The following PRKAG2 variants were observed in gnomAD, a reference collection of about 807,000 sequenced individuals.
PRKAG2 encodes protein kinase AMP-activated non-catalytic subunit gamma 2, also known as 5'-AMP-activated protein kinase subunit gamma-2.
Under a neutral mutation model 69.6 loss-of-function variants are expected in PRKAG2, and 26 were observed. The observed-to-expected ratio is 0.37, with a 90% CI of 0.27 to 0.52. PRKAG2 has a LOEUF of 0.52. PRKAG2 is among the 20% of genes least tolerant of loss of function. PRKAG2 has a pLI of 0.90. For missense variants in PRKAG2, 557 were observed against 740.0 expected, an observed-to-expected ratio of 0.75 and a Z score of 2.87; for synonymous variants, 293 against 285.0, an observed-to-expected ratio of 1.03 and a Z score of -0.28.
At chr7:151,743,312 G>C (rs1332341015) in intron 3 of PRKAG2, among the ~76,000 whole-genome samples, 1 of 152,158 alleles carries the variant, frequency 6.6e-6, no homozygotes, top group East Asian at 1.9e-4. Flanking sequence ...CACGGGACCA[G>C]GTAATTCGGG....
rs111465750 is a variant in PRKAG2 at position 151,697,828 on chromosome 7, G to A, written c.467-22191C>T. On this transcript the variant is annotated intron_variant, in intron 3 of 15. Coordinates refer to ENST00000287878, the MANE Select transcript of PRKAG2 (RefSeq NM_016203.4). ...CCTGCCTTCCAACCTCATCCACCCA[G>A]TGGCTCAAGGCTGCCAGGATAAAGA... is the stretch of plus-strand genomic sequence containing the variant. 3.1e-3 allele frequency among the ~76,000 whole-genome samples: 475 copies of A among 152,264 alleles called. 5 individuals are homozygous for A. Among genetic ancestry groups the A allele is most frequent in the African/African-American group, 1.0e-2 (414 of 41,538 alleles).
intron 3 of PRKAG2, among the ~76,000 whole-genome samples, chr7:151,716,999 C>T (rs977723488): frequency 6.6e-6 from 1 of 152,146 alleles, no homozygotes; most frequent in Non-Finnish European, 1.5e-5. Context: ...GTAATCCCAG[C>T]ACTTTGGGAG....
intron 1 of PRKAG2, among the ~76,000 whole-genome samples, chr7:151,851,973 A>G (rs1391257744): frequency 6.6e-6 from 1 of 152,080 alleles, no homozygotes; most frequent in Non-Finnish European, 1.5e-5. Flanking sequence ...CAGTGAGGGG[A>G]GGAGCAAGAC....
At chr7:151,695,701 T>A (rs73484108) in intron 3 of PRKAG2, among the ~76,000 whole-genome samples, 30,809 of 152,176 alleles carry the variant, frequency 0.2, 3,500 homozygotes, top group Non-Finnish European at 0.26. Context: ...AACTCTTGAA[T>A]GGGCCACCTC....
chr7:151,845,514 C>A (rs557074547), intron 1 of PRKAG2, among the ~76,000 whole-genome samples: 2 of 152,298 alleles, frequency 1.3e-5, no homozygotes, highest in African/African-American at 2.4e-5. Flanking sequence ...GTTTGAGAAC[C>A]ACCAGCCTAA....
chr7:151,782,106 T>C (rs1377181607), intron 2 of PRKAG2, among the ~76,000 whole-genome samples: 1 of 151,220 alleles, frequency 6.6e-6, no homozygotes, highest in Non-Finnish European at 1.5e-5. Context: ...ACCCCATCTC[T>C]ACTAAAAATA....
At chr7:151,636,087 G>A (rs921165810) in intron 4 of PRKAG2, among the ~76,000 whole-genome samples, 1 of 151,744 alleles carries the variant, frequency 6.6e-6, no homozygotes, top group African/African-American at 2.4e-5. Flanking sequence ...TCCTGACCTC[G>A]TGATCCACCC....
intron 1 of PRKAG2, among the ~76,000 whole-genome samples, chr7:151,875,330 A>G (rs1306478241): frequency 6.6e-6 from 1 of 152,118 alleles, no homozygotes; most frequent in Non-Finnish European, 1.5e-5. Context: ...TGTGGGCCGG[A>G]GTTTACACAG....
chr7:151,575,538 AG>A (rs1489321774), intron 7 of PRKAG2, among the ~76,000 whole-genome samples: 1 of 152,242 alleles, frequency 6.6e-6, no homozygotes, highest in East Asian at 1.9e-4. Flanking sequence ...GTGATTCATA[AG>A]ATAAGTAACG....
intron 3 of PRKAG2, among the ~76,000 whole-genome samples, chr7:151,742,636 A>AT (rs1199019417): frequency 1.3e-5 from 2 of 150,870 alleles, no homozygotes; most frequent in African/African-American, 2.5e-5. Context: ...AAAAAAAAAA[A>AT]AAATAAAATA....
chr7:151,733,514 T>A (rs1211002482), intron 3 of PRKAG2, among the ~76,000 whole-genome samples: 3 of 152,190 alleles, frequency 2.0e-5, no homozygotes, highest in African/African-American at 7.2e-5. Flanking sequence ...GGCCTGTCCA[T>A]CCCCATTAGC....
chr7:151,664,637 C>T (rs1056484782), intron 4 of PRKAG2, among the ~76,000 whole-genome samples: 1 of 152,200 alleles, frequency 6.6e-6, no homozygotes, highest in African/African-American at 2.4e-5. Context: ...ACAAGAAATA[C>T]ACATATTTAA....
intron 3 of PRKAG2, among the ~76,000 whole-genome samples, chr7:151,676,597 T>C (rs1055848947): frequency 6.6e-6 from 1 of 152,226 alleles, no homozygotes; most frequent in African/African-American, 2.4e-5. Context: ...GACTTATTTA[T>C]GTAATTTTTA....
intron 3 of PRKAG2, among the ~76,000 whole-genome samples, chr7:151,707,031 G>A (rs1235797901): frequency 6.6e-6 from 1 of 152,230 alleles, no homozygotes; most frequent in African/African-American, 2.4e-5. Context: ...CTGCGTCCTG[G>A]GTGCCCCAGC....
intron 3 of PRKAG2, among the ~76,000 whole-genome samples, chr7:151,694,235 G>A (rs781482354): frequency 3.3e-5 from 5 of 152,188 alleles, no homozygotes; most frequent in Admixed American, 1.3e-4. Context: ...CTAAACAGAC[G>A]AAGACGCTGA....
At chr7:151,791,313 C>T (rs1376044805) in intron 1 of PRKAG2, among the ~76,000 whole-genome samples, 1 of 152,204 alleles carries the variant, frequency 6.6e-6, no homozygotes, top group East Asian at 1.9e-4. Context: ...CCTGGTGTCT[C>T]GGGTGACATG....
rs1261244466 is a variant in PRKAG2, at chr7:151,874,183, TATGTATATGTATATG to T, written c.114+2309_114+2323del. Among the ~76,000 whole-genome samples, 339 of 125,720 alleles carry T rather than the reference TATGTATATGTATATG, an allele frequency of 2.7e-3. 4 individuals are homozygous for T. Among genetic ancestry groups the T allele is most frequent in the African/African-American group, 0.01 (318 of 30,776 alleles). The allele number at this position is 125,720 out of a possible 152,430, so 82.5% of individuals were successfully genotyped here. A position where few individuals can be genotyped will look rare whatever the true frequency, so the allele number is the denominator to read the frequency against. Reference sequence around the variant, plus strand: ...TGTATATGTATATGATGTATATGTATATGTATATGTATATGATGTATATGTATATGTATATGATGT... The same window carrying T: ...TGTATATGTATATGATGTATATGTATATGTATATGTATATGTATATGATGT... On this transcript the variant is annotated intron_variant, in intron 1 of 15. Transcript: ENST00000287878.
At chr7:151,862,093 G>C (rs1043446020) in intron 1 of PRKAG2, among the ~76,000 whole-genome samples, 4 of 152,074 alleles carry the variant, frequency 2.6e-5, no homozygotes, top group African/African-American at 9.7e-5. Context: ...ACTGGCATCT[G>C]GCCCCCGGGC....
intron 4 of PRKAG2, among the ~76,000 whole-genome samples, chr7:151,653,894 C>T (rs1828974360): frequency 6.6e-6 from 1 of 152,118 alleles, no homozygotes; most frequent in South Asian, 2.1e-4. Flanking sequence ...CAGATAAGCC[C>T]AATCCTTTCA....
Sources: gnomAD v4.1 joint callset for allele counts (sites outside exome capture counted in the v4.1 genomes callset) on GRCh38, gnomAD v4.1.1 for gene constraint, MANE v1.5 for transcripts, NCBI Gene and HGNC (gene_info 2026-07-23, HGNC 2026-07-21) for gene names.